Variants in CBLB observed in about 807,000 individuals in gnomAD.
CBLB encodes the protein E3 ubiquitin-protein ligase CBL-B.
Under a neutral mutation model 104.9 loss-of-function variants are expected in CBLB, and 31 were observed. That is an observed-to-expected ratio of 0.30 (90% CI 0.22 to 0.40). The LOEUF (loss-of-function observed/expected upper bound fraction) is 0.40. Ranked by LOEUF, CBLB falls within the 10% of genes least tolerant of loss-of-function variation. The pLI is 1.00. For missense variants in CBLB, 1,062 were observed against 1,214.6 expected (o/e 0.87, Z 1.87); for synonymous variants, 440 against 422.6 (o/e 1.04, Z -0.51).
chr3:105,690,038 C>A (rs1392174443), intron 13 of CBLB, among the ~76,000 whole-genome samples: 2 of 127,330 alleles, frequency 1.6e-5, no homozygotes. Flanking sequence ...ACTATGACAG[C>A]AGCCTCTGAC....
intron 4 of CBLB, among the ~76,000 whole-genome samples, chr3:105,770,074 T>C (rs1462729549): frequency 6.6e-6 from 1 of 151,958 alleles, no homozygotes; most frequent in Admixed American, 6.6e-5. Context: ...TTCTCAATGC[T>C]AATTTTTGTT....
intron 3 of CBLB, among the ~76,000 whole-genome samples, chr3:105,809,595 A>G (rs2083995387): frequency 1.3e-5 from 2 of 152,222 alleles, no homozygotes; most frequent in South Asian, 4.1e-4. Context: ...AATATCTACT[A>G]AAAGATCTGC....
At chr3:105,868,700 G>A in intron 1 of CBLB, 36 bp downstream of exon 1, 1 of 998,562 alleles carries the variant, frequency 1.0e-6, no homozygotes, top group Non-Finnish European at 1.2e-6. Flanking sequence ...CCGGCAAGAA[G>A]TGTGGAGCCT....
chr3:105,669,282 G>A (rs1354086464), intron 18 of CBLB, among the ~76,000 whole-genome samples: 4 of 152,118 alleles, frequency 2.6e-5, no homozygotes, highest in Non-Finnish European at 5.9e-5. Context: ...ATTATGCAGG[G>A]GAAGCCCTCA....
chr3:105,783,792 A>G (rs2080597647), intron 3 of CBLB, among the ~76,000 whole-genome samples: 1 of 152,204 alleles, frequency 6.6e-6, no homozygotes, highest in South Asian at 2.1e-4. Flanking sequence ...TGGTAGCTAC[A>G]GCAGAGTGAA....
chr3:105,803,114 T>C lies in CBLB; in HGVS notation c.420-26572A>G, dbSNP rs559943607. 5.3e-5 allele frequency among the ~76,000 whole-genome samples: 8 copies of C among 152,368 alleles called. No homozygotes were observed. The South Asian group carries it at 1.7e-3, about 32-fold the overall frequency. On this transcript the variant is annotated intron_variant, in intron 3 of 18. Transcript: ENST00000394030. ...TGCATAGTCATTTTATGTACAAATTTTGGTTACTGAAAGATATTCACTGAG... is the reference window on the plus strand; with the variant it reads ...TGCATAGTCATTTTATGTACAAATTCTGGTTACTGAAAGATATTCACTGAG...
chr3:105,709,732 T>C (rs2070773684), intron 10 of CBLB, among the ~76,000 whole-genome samples: 1 of 151,950 alleles, frequency 6.6e-6, no homozygotes, highest in Admixed American at 6.6e-5. Context: ...GTGCTAGTTT[T>C]TAAGGAAAGA....
At chr3:105,815,203 C>A (rs994452159) in intron 3 of CBLB, among the ~76,000 whole-genome samples, 4 of 152,082 alleles carry the variant, frequency 2.6e-5, no homozygotes, top group African/African-American at 9.7e-5. Flanking sequence ...TCCTTCAGTG[C>A]AGATTGAGAT....
intron 2 of CBLB, among the ~76,000 whole-genome samples, chr3:105,860,782 T>G (rs957399207): frequency 6.6e-6 from 1 of 152,168 alleles, no homozygotes; most frequent in African/African-American, 2.4e-5. Context: ...TTTTAGCTCA[T>G]AAAGTTACTC....
At chr3:105,660,986 T>G (rs1387917861) in intron 18 of CBLB, among the ~76,000 whole-genome samples, 3 of 150,226 alleles carry the variant, frequency 2.0e-5, no homozygotes, top group Non-Finnish European at 4.4e-5. Context: ...TTTTTTTAAA[T>G]GAGATGAAGT....
chr3:105,820,083 T>C (rs6792583), intron 3 of CBLB, among the ~76,000 whole-genome samples: 150,280 of 152,248 alleles, frequency 0.99, 74,208 homozygotes, highest in East Asian at 1. Context: ...TGAAACTAGA[T>C]GGTCCCATCT....
At chr3:105,793,798 C>T (rs1371367323) in intron 3 of CBLB, among the ~76,000 whole-genome samples, 1 of 152,026 alleles carries the variant, frequency 6.6e-6, no homozygotes, top group African/African-American at 2.4e-5. Flanking sequence ...ATCCACATGC[C>T]TCTAATCACA....
chr3:105,849,734 A>T (rs1007195508), intron 3 of CBLB, among the ~76,000 whole-genome samples: 1 of 152,084 alleles, frequency 6.6e-6, no homozygotes, highest in Non-Finnish European at 1.5e-5. Context: ...TAGTCAAAGG[A>T]GTTATATGCC....
chr3:105,864,159 T>G (rs757958968), intron 2 of CBLB, among the ~76,000 whole-genome samples: 19 of 152,182 alleles, frequency 1.2e-4, no homozygotes, highest in Admixed American at 2.0e-4. Flanking sequence ...GAGGATGTTC[T>G]CTACTCTGTT....
At chr3:105,805,837 T>G (rs2083429742) in intron 3 of CBLB, among the ~76,000 whole-genome samples, 1 of 152,060 alleles carries the variant, frequency 6.6e-6, no homozygotes, top group African/African-American at 2.4e-5. Context: ...GGACATTAAT[T>G]CTTTTATTAC....
At chr3:105,683,290 T>A (rs1270608234) in intron 14 of CBLB, among the ~76,000 whole-genome samples, 1 of 152,186 alleles carries the variant, frequency 6.6e-6, no homozygotes, top group East Asian at 1.9e-4. Context: ...AAAGAAAGTG[T>A]TAAGCTTAAA....
Position 105,853,645 on chromosome 3 carries a change from G to A in CBLB, c.188C>T (p.Pro63Leu), listed in dbSNP as rs746368898. ...TGGGCTATTTTTCAACTGAAGTTTG[G>A]GATTTTGGCACAGTCTTACCTAAAA... ...MDKVVRLCQNPKLQLKNSPPY... is the reference protein window; with the variant it reads ...MDKVVRLCQNLKLQLKNSPPY... Residue 63 changes from proline to leucine, a missense_variant, in exon 3 of 19, where the codon CCC (proline) becomes CTC (leucine). Pro to Leu is a moderately conservative substitution (Grantham distance 98). Around this residue, in one of 2 missense-constraint regions of CBLB, gnomAD observed 457 missense variants for 632.0 expected, o/e 0.72. Coordinates refer to ENST00000394030, the MANE Select transcript of CBLB (RefSeq NM_170662.5). The A allele has an allele frequency of 1.9e-6, 3 of 1,604,342 alleles. No individual in the cohort carries two copies. The highest frequency in any genetic ancestry group is 1.7e-6 in the Non-Finnish European group (2 of 1,173,806).
intron 4 of CBLB, among the ~76,000 whole-genome samples, chr3:105,753,495 A>G (rs998813590): frequency 6.6e-6 from 1 of 152,170 alleles, no homozygotes; most frequent in African/African-American, 2.4e-5. Context: ...TAAGAAGTAC[A>G]TTTTTCTTTT....
At chr3:105,824,784 G>A (rs1009663825) in intron 3 of CBLB, among the ~76,000 whole-genome samples, 5 of 152,028 alleles carry the variant, frequency 3.3e-5, no homozygotes, top group Non-Finnish European at 7.4e-5. Flanking sequence ...TTCACGAAAG[G>A]GGAGCCTCCT....
Sources: gnomAD v4.1 joint callset for allele counts (sites outside exome capture counted in the v4.1 genomes callset) on GRCh38, gnomAD v4.1.1 for gene constraint, gnomAD v4.1.1 regional missense constraint, MANE v1.5 for transcripts, NCBI Gene and HGNC (gene_info 2026-07-23, HGNC 2026-07-21) for gene names.